PRKG1: variants seen among roughly 807,000 people sequenced by gnomAD.
PRKG1 encodes the protein cGMP-dependent protein kinase 1.
In PRKG1, 35 loss-of-function variants were observed where a neutral mutation model predicts 88.1. That is an observed-to-expected ratio of 0.40 (90% confidence interval 0.30 to 0.53). The LOEUF is 0.53. Among genes scored for constraint, PRKG1 ranks in the 20% least tolerant of loss-of-function variants. PRKG1 has a pLI of 0.59. For missense variants in PRKG1, 540 were observed against 839.8 expected, an observed-to-expected ratio of 0.64 and a Z score of 4.41; for synonymous variants, 303 against 292.5, an observed-to-expected ratio of 1.04 and a Z score of -0.37.
intron 4 of PRKG1, among the ~76,000 whole-genome samples, chr10:51,829,722 A>G (rs189410372): frequency 2.3e-4 from 35 of 152,302 alleles, no homozygotes; most frequent in African/African-American, 8.2e-4. Flanking sequence ...AGATAAAGCA[A>G]CAACTATTTT....
chr10:52,276,872 T>C (rs1054691008), intron 12 of PRKG1, among the ~76,000 whole-genome samples: 1 of 152,228 alleles, frequency 6.6e-6, no homozygotes, highest in East Asian at 1.9e-4. Context: ...CCACAAGTTA[T>C]CTACATCACA....
At chr10:51,285,325 A>G (rs947611747) in intron 2 of PRKG1, among the ~76,000 whole-genome samples, 3 of 152,106 alleles carry the variant, frequency 2.0e-5, no homozygotes, top group Non-Finnish European at 4.4e-5. Flanking sequence ...TAGCACAAGA[A>G]GCAGTAGAAT....
intron 7 of PRKG1, among the ~76,000 whole-genome samples, chr10:52,097,326 T>G (rs1847195360): frequency 6.6e-6 from 1 of 152,182 alleles, no homozygotes. Context: ...TGAGTGTCTA[T>G]TATCTACCAT....
At chr10:51,946,335 G>T (rs1048186568) in intron 5 of PRKG1, among the ~76,000 whole-genome samples, 9 of 151,924 alleles carry the variant, frequency 5.9e-5, no homozygotes, top group Non-Finnish European at 1.3e-4. Flanking sequence ...ACTTCTCTGT[G>T]TTGTTTATTC....
chr10:51,130,794 T>C (rs997744766), intron 1 of PRKG1, among the ~76,000 whole-genome samples: 1 of 151,872 alleles, frequency 6.6e-6, no homozygotes, highest in Non-Finnish European at 1.5e-5. Flanking sequence ...TCCCAGCTAC[T>C]AGGGAGGCTG....
At chr10:51,029,098 A>G (rs1370041239) in intron 1 of PRKG1, among the ~76,000 whole-genome samples, 3 of 152,156 alleles carry the variant, frequency 2.0e-5, no homozygotes, top group Non-Finnish European at 2.9e-5. Context: ...CAGATATTAA[A>G]TTTGCAGTGT....
chr10:51,093,953 ATATT>A (rs1185435674), intron 1 of PRKG1, among the ~76,000 whole-genome samples: 2 of 151,504 alleles, frequency 1.3e-5, no homozygotes, highest in Non-Finnish European at 2.9e-5. Flanking sequence ...CTGAAAGTAT[ATATT>A]TATTTGTTTC....
chr10:52,252,089 T>C (rs1367152642), intron 10 of PRKG1: 1 of 156,440 alleles, frequency 6.4e-6, no homozygotes, highest in Non-Finnish European at 1.4e-5. Flanking sequence ...CGAAGAGATA[T>C]ATATGAAGTA....
At chr10:51,724,322 A>G (rs1196046740) in intron 3 of PRKG1, among the ~76,000 whole-genome samples, 1 of 152,182 alleles carries the variant, frequency 6.6e-6, no homozygotes, top group East Asian at 1.9e-4. Flanking sequence ...TATAATGTAC[A>G]TAGATGGTGA....
chr10:51,849,812 A>G (rs1455334130), intron 4 of PRKG1, among the ~76,000 whole-genome samples: 1 of 152,220 alleles, frequency 6.6e-6, no homozygotes, highest in Non-Finnish European at 1.5e-5. Context: ...CAAACTTATC[A>G]CATTCAAACA....
intron 3 of PRKG1, among the ~76,000 whole-genome samples, chr10:51,699,846 C>T (rs1841418123): frequency 6.6e-6 from 1 of 152,190 alleles, no homozygotes; most frequent in South Asian, 2.1e-4. Flanking sequence ...CTACGACACG[C>T]TTGGTACGAG....
intron 5 of PRKG1, among the ~76,000 whole-genome samples, chr10:51,927,350 C>T (rs1842600650): frequency 6.6e-6 from 1 of 152,126 alleles, no homozygotes. Context: ...TTTCACCTTT[C>T]ATCATGACTG....
rs1021207140 is a variant in PRKG1 at position 50,995,347 on chromosome 10, T to C, written c.266+3703T>C. On this transcript the variant is annotated intron_variant, in intron 1 of 17. Coordinates refer to the PRKG1 transcript ENST00000401604. ...AGGAATGCTTAGATGAAAATTATAC[T>C]AGGAAAGGAAGATCTGAGCTCTCAG... Among the ~76,000 whole-genome samples the C allele has an allele frequency of 3.9e-5, 6 of 152,252 alleles. No homozygotes were observed. The East Asian group carries it at 7.7e-4, about 20-fold the overall frequency.
chr10:51,579,527 A>G (rs374605531), intron 3 of PRKG1, among the ~76,000 whole-genome samples: 1 of 152,170 alleles, frequency 6.6e-6, no homozygotes, highest in Non-Finnish European at 1.5e-5. Context: ...CCTAAAAGTG[A>G]ACATATCTTT....
intron 3 of PRKG1, among the ~76,000 whole-genome samples, chr10:51,517,504 G>GT (rs1038727110): frequency 6.6e-6 from 1 of 152,140 alleles, no homozygotes; most frequent in African/African-American, 2.4e-5. Flanking sequence ...GACTTCTAAG[G>GT]TTTAGCTTAA....
At chr10:51,815,225 T>A (rs2132631042) in intron 4 of PRKG1, among the ~76,000 whole-genome samples, 1 of 152,362 alleles carries the variant, frequency 6.6e-6, no homozygotes, top group African/African-American at 2.4e-5. Context: ...ACCTTATAAA[T>A]CTTTCCTGTA....
intron 8 of PRKG1, among the ~76,000 whole-genome samples, chr10:52,154,320 G>A (rs543018607): frequency 3.3e-5 from 5 of 152,200 alleles, no homozygotes; most frequent in Non-Finnish European, 5.9e-5. Flanking sequence ...ACAGAAATCT[G>A]TACCCTGTTC....
At chr10:52,186,847 A>C (rs1839213416) in intron 9 of PRKG1, among the ~76,000 whole-genome samples, 1 of 152,186 alleles carries the variant, frequency 6.6e-6, no homozygotes, top group Admixed American at 6.5e-5. Flanking sequence ...GAATTTTATC[A>C]GGTGTTGAAA....
intron 7 of PRKG1, among the ~76,000 whole-genome samples, chr10:52,097,762 AAT>A (rs10595011): frequency 0.65 from 96,444 of 147,562 alleles, 32,810 homozygotes; most frequent in Non-Finnish European, 0.77. Flanking sequence ...TAATAGGCCT[AAT>A]ATATATATAT....
Sources: gnomAD v4.1 joint callset for allele counts (sites outside exome capture counted in the v4.1 genomes callset) on GRCh38, gnomAD v4.1.1 for gene constraint, MANE v1.5 for transcripts, NCBI Gene and HGNC (gene_info 2026-07-23, HGNC 2026-07-21) for gene names.